The following MKLN1 variants were observed in gnomAD, a reference collection of about 807,000 sequenced individuals.
MKLN1 encodes the protein muskelin 1, also known as muskelin.
MKLN1 carries 18 observed loss-of-function variants against 99.0 expected under a neutral mutation model. That is an observed-to-expected ratio of 0.18 (90% CI 0.13 to 0.27). The LOEUF (loss-of-function observed/expected upper bound fraction) is 0.27. MKLN1 is among the 10% of genes least tolerant of loss of function. The pLI is 1.00. For missense variants in MKLN1, 621 were observed against 875.9 expected (o/e 0.71, Z 3.67); for synonymous variants, 288 against 293.2 (o/e 0.98, Z 0.18).
At chr7:131,219,959 C>T (rs1339973550) in intron 3 of MKLN1, among the ~76,000 whole-genome samples, 1 of 152,174 alleles carries the variant, frequency 6.6e-6, no homozygotes, top group East Asian at 1.9e-4. Context: ...CAGAAACCAA[C>T]ATCCCACAAT....
chr7:131,462,364 A>G (rs902749781), intron 12 of MKLN1, among the ~76,000 whole-genome samples: 9 of 152,168 alleles, frequency 5.9e-5, no homozygotes, highest in Admixed American at 5.9e-4. Flanking sequence ...AAGTTATTAT[A>G]TGTGATGAAC....
chr7:131,366,566 TTTG>T (rs1268963939), intron 1 of MKLN1, among the ~76,000 whole-genome samples: 2 of 152,150 alleles, frequency 1.3e-5, no homozygotes, highest in African/African-American at 4.8e-5. Context: ...ATCCCAGCAC[TTTG>T]GGAGGCTGAG....
chr7:131,321,604 T>A (rs1039985098), intron 3 of MKLN1, among the ~76,000 whole-genome samples: 1 of 152,084 alleles, frequency 6.6e-6, no homozygotes, highest in Non-Finnish European at 1.5e-5. Flanking sequence ...AAATAAAAAC[T>A]TTTCAAATCT....
At chr7:131,154,871 T>C (rs1795941353) in intron 2 of MKLN1, among the ~76,000 whole-genome samples, 1 of 152,184 alleles carries the variant, frequency 6.6e-6, no homozygotes, top group South Asian at 2.1e-4. Context: ...TAGGAACATG[T>C]TTAAACTCTT....
At chr7:131,298,703 T>C (rs1234085912) in intron 3 of MKLN1, among the ~76,000 whole-genome samples, 2 of 152,246 alleles carry the variant, frequency 1.3e-5, no homozygotes, top group African/African-American at 2.4e-5. Context: ...TCTGCCTGGC[T>C]TCCACTCTAC....
At position 131,435,115 on chromosome 7, in the gene MKLN1, G is replaced by A. The variant is rs111315179; in HGVS notation, c.961-2670G>A. Among the ~76,000 whole-genome samples, 550 of 152,270 alleles carry A rather than the reference G, an allele frequency of 3.6e-3. 2 individuals are homozygous for A. Among genetic ancestry groups the A allele is most frequent in the African/African-American group, 0.013 (523 of 41,550 alleles). ...ATGCTCTTTTTACATATGTATTGAT[G>A]TAATTGTGTTTTTTCTTCTTTATTC... On this transcript the variant is annotated intron_variant, in intron 9 of 17. Coordinates refer to ENST00000352689, the MANE Select transcript of MKLN1 (RefSeq NM_013255.5).
chr7:131,388,584 T>A (rs1563324238), intron 3 of MKLN1, among the ~76,000 whole-genome samples: 1 of 152,246 alleles, frequency 6.6e-6, no homozygotes, highest in Non-Finnish European at 1.5e-5. Context: ...TTATATTCAG[T>A]TATCCATTCA....
intron 2 of MKLN1, among the ~76,000 whole-genome samples, chr7:131,175,906 A>AC (rs1216107238): frequency 3.4e-5 from 5 of 145,320 alleles, no homozygotes; most frequent in Non-Finnish European, 6.1e-5. Context: ...CTCAAAAAAA[A>AC]ACCAAAAAAC....
chr7:131,161,963 G>GTATATATA (rs71168374), intron 2 of MKLN1, among the ~76,000 whole-genome samples: 25 of 109,280 alleles, frequency 2.3e-4, no homozygotes, highest in Non-Finnish European at 3.7e-4. Flanking sequence ...GTGTGTGTGT[G>GTATATATA]TATATATATA....
chr7:131,464,663 A>G (rs916046119), intron 14 of MKLN1, among the ~76,000 whole-genome samples: 1 of 152,200 alleles, frequency 6.6e-6, no homozygotes, highest in East Asian at 1.9e-4. Context: ...AGCTGTATAG[A>G]TCTAGATACA....
At chr7:131,308,695 C>T (rs1798507861) in intron 3 of MKLN1, among the ~76,000 whole-genome samples, 2 of 152,038 alleles carry the variant, frequency 1.3e-5, no homozygotes, top group African/African-American at 2.4e-5. Flanking sequence ...AAGTGATTCT[C>T]CTGCCTCAGC....
At chr7:131,162,052 A>G (rs1306831172) in intron 2 of MKLN1, among the ~76,000 whole-genome samples, 1 of 149,304 alleles carries the variant, frequency 6.7e-6, no homozygotes, top group East Asian at 2.0e-4. Context: ...ACACACATAT[A>G]TATATGTATA....
Position 131,416,038 on chromosome 7 carries a change from C to A in MKLN1, c.847+1328C>A, listed in dbSNP as rs115078567. Among the ~76,000 whole-genome samples the A allele has an allele frequency of 3.1e-3, 474 of 151,994 alleles. 1 individual carries two copies. The highest frequency in any genetic ancestry group is 0.011 in the African/African-American group (452 of 41,456). ...CTTGAACTCCTGGGCTCAAGCAGTC[C>A]GCCTGCTGCAACCTCGCAAAGTGCT... On this transcript the variant is annotated intron_variant, in intron 8 of 17. Coordinates refer to ENST00000352689, the MANE Select transcript of MKLN1 (RefSeq NM_013255.5).
At chr7:131,481,380 G>C (rs1797116413) in intron 17 of MKLN1, among the ~76,000 whole-genome samples, 1 of 152,066 alleles carries the variant, frequency 6.6e-6, no homozygotes, top group Non-Finnish European at 1.5e-5. Context: ...CTCCATTCAG[G>C]GTACCATTAC....
At chr7:131,194,091 C>T (rs1234457896) in intron 2 of MKLN1, among the ~76,000 whole-genome samples, 2 of 151,720 alleles carry the variant, frequency 1.3e-5, no homozygotes, top group East Asian at 3.9e-4. Context: ...CCTCTCCCCG[C>T]CATCCACCTC....
chr7:131,347,469 C>T (rs1287124626), intron 1 of MKLN1, among the ~76,000 whole-genome samples: 1 of 152,120 alleles, frequency 6.6e-6, no homozygotes, highest in South Asian at 2.1e-4. Flanking sequence ...GGCAAGCATA[C>T]CTGAACCAAG....
At position 131,494,189 on chromosome 7, in the gene MKLN1, G is replaced by A. The variant is rs1797492031; in HGVS notation, c.*6461G>A. On this transcript the variant is annotated 3_prime_UTR_variant, in exon 18 of 18. Coordinates refer to ENST00000352689, the MANE Select transcript of MKLN1 (RefSeq NM_013255.5). ...GTCTCTGTTAATTCTGCTTTGCCAA[G>A]CAATAATGAGATCTGGGTTTGGCAT... 1 of 152,122 alleles carries A rather than the reference G, an allele frequency of 6.6e-6. No individual in the cohort carries two copies. Among genetic ancestry groups the A allele is most frequent in the Non-Finnish European group, 1.5e-5 (1 of 68,030 alleles). 9.4% of individuals were successfully genotyped at this position (152,122 alleles called of 1,614,324 possible). A position where few individuals can be genotyped will look rare whatever the true frequency, so the allele number is the denominator to read the frequency against.
chr7:131,349,091 A>G (rs1016984599), intron 1 of MKLN1, among the ~76,000 whole-genome samples: 1 of 152,042 alleles, frequency 6.6e-6, no homozygotes, highest in Non-Finnish European at 1.5e-5. Flanking sequence ...CAACAAAGAT[A>G]TTTTAAGAAC....
intron 12 of MKLN1, among the ~76,000 whole-genome samples, chr7:131,457,141 GT>G (rs948856771): frequency 6.6e-6 from 1 of 152,002 alleles, no homozygotes; most frequent in Non-Finnish European, 1.5e-5. Context: ...GCCAGGCATG[GT>G]GGCACGTGCC....
Sources: allele counts gnomAD v4.1 joint callset (sites outside exome capture counted in the v4.1 genomes callset), GRCh38; gene constraint gnomAD v4.1.1; transcripts MANE v1.5; gene names NCBI Gene and HGNC (gene_info 2026-07-23, HGNC 2026-07-21).